Variants in ZHX2 observed in about 807,000 individuals in gnomAD.
ZHX2 encodes the protein zinc fingers and homeoboxes 2.
In ZHX2, 6 loss-of-function variants were observed where a neutral mutation model predicts 21.9. The observed-to-expected ratio is 0.27, with a 90% CI of 0.15 to 0.54. The LOEUF is 0.54. Among genes scored for constraint, ZHX2 ranks in the 20% least tolerant of loss-of-function variants. The pLI, the probability that ZHX2 is intolerant of heterozygous loss-of-function variation, is 0.95. For missense variants in ZHX2, 908 were observed against 1,090.7 expected, an observed-to-expected ratio of 0.83 and a Z score of 2.36; for synonymous variants, 434 against 437.1, an observed-to-expected ratio of 0.99 and a Z score of 0.09.
At chr8:122,784,063 G>C (rs1817346959) in intron 1 of ZHX2, among the ~76,000 whole-genome samples, 1 of 152,226 alleles carries the variant, frequency 6.6e-6, no homozygotes, top group Non-Finnish European at 1.5e-5. Flanking sequence ...CTCAACTAAT[G>C]TCCATTTGAA....
chr8:122,801,937 A>G (rs1369477200), intron 1 of ZHX2, among the ~76,000 whole-genome samples: 1 of 152,196 alleles, frequency 6.6e-6, no homozygotes, highest in Non-Finnish European at 1.5e-5. Flanking sequence ...ATATGCAGAC[A>G]GGGGTCAGGA....
intron 2 of ZHX2, among the ~76,000 whole-genome samples, chr8:122,905,532 T>C (rs1282703603): frequency 6.6e-6 from 1 of 152,178 alleles, no homozygotes; most frequent in African/African-American, 2.4e-5. Flanking sequence ...GAAAATTCTC[T>C]AAACAGAAAG....
At chr8:122,879,971 C>CT (rs1563765738) in intron 2 of ZHX2, among the ~76,000 whole-genome samples, 27 of 120,568 alleles carry the variant, frequency 2.2e-4, no homozygotes, top group African/African-American at 7.8e-4. Flanking sequence ...TCTATTGTTA[C>CT]CTTTTTTTTT....
intron 1 of ZHX2, among the ~76,000 whole-genome samples, chr8:122,839,737 T>G (rs1818584429): frequency 6.6e-6 from 1 of 152,198 alleles, no homozygotes; most frequent in Admixed American, 6.5e-5. Flanking sequence ...TTTGGTTTTG[T>G]TTTTGCTTCG....
chr8:122,843,258 A>G (rs1269063082), intron 1 of ZHX2, among the ~76,000 whole-genome samples: 2 of 152,262 alleles, frequency 1.3e-5, no homozygotes, highest in East Asian at 1.9e-4. Context: ...TGATTCAAAA[A>G]TCAAGGATCA....
rs558166542 is a variant in ZHX2 at position 122,849,821 on chromosome 8, T to A, written c.-282-13656T>A. ...ACGATCAACCCATTACACTCATCTA[T>A]CAAATGAGGATGATATCGGTGCCTA... is the stretch of plus-strand genomic sequence containing the variant. On this transcript the variant is annotated intron_variant, in intron 1 of 3. Transcript: ENST00000314393. Among the ~76,000 whole-genome samples, 8 of 152,326 alleles carry A rather than the reference T, an allele frequency of 5.3e-5. No individual in the cohort carries two copies. The South Asian group carries it at 1.7e-3, about 32-fold the overall frequency.
At chr8:122,785,250 C>A (rs13255606) in intron 1 of ZHX2, among the ~76,000 whole-genome samples, 38,744 of 152,114 alleles carry the variant, frequency 0.25, 5,397 homozygotes, top group Middle Eastern at 0.32. Flanking sequence ...TAGCAGCAGA[C>A]TCTTGACTAC....
intron 1 of ZHX2, among the ~76,000 whole-genome samples, chr8:122,835,096 T>G (rs898987769): frequency 1.3e-5 from 2 of 152,182 alleles, no homozygotes; most frequent in African/African-American, 4.8e-5. Context: ...GCCGGGTCAG[T>G]TCATAAGACT....
chr8:122,850,020 A>T (rs947078909), intron 1 of ZHX2, among the ~76,000 whole-genome samples: 3 of 151,852 alleles, frequency 2.0e-5, no homozygotes, highest in African/African-American at 7.3e-5. Flanking sequence ...TCTAAAATTA[A>T]CTCTTGACTC....
intron 1 of ZHX2, among the ~76,000 whole-genome samples, chr8:122,783,419 T>C (rs2130505332): frequency 6.6e-6 from 1 of 152,036 alleles, no homozygotes; most frequent in Non-Finnish European, 1.5e-5. Flanking sequence ...CAGAATGGAG[T>C]TAGAGGAGAG....
intron 3 of ZHX2, among the ~76,000 whole-genome samples, chr8:122,959,010 C>T (rs1264441917): frequency 6.6e-6 from 1 of 152,146 alleles, no homozygotes; most frequent in Non-Finnish European, 1.5e-5. Context: ...GTGGCTTTTC[C>T]AACATGTTGT....
intron 2 of ZHX2, among the ~76,000 whole-genome samples, chr8:122,933,670 A>G (rs1812603249): frequency 6.6e-6 from 1 of 152,340 alleles, no homozygotes; most frequent in South Asian, 2.1e-4. Context: ...AAAAAATAAA[A>G]CAAGATTATT....
At chr8:122,842,037 G>A (rs1818642334) in intron 1 of ZHX2, among the ~76,000 whole-genome samples, 1 of 152,184 alleles carries the variant, frequency 6.6e-6, no homozygotes, top group Non-Finnish European at 1.5e-5. Context: ...ACACGAAGAA[G>A]GAACAAACAA....
chr8:122,780,950 G>A (rs992668724), upstream of ZHX2: 1 of 152,220 alleles, frequency 6.6e-6, no homozygotes, highest in African/African-American at 2.4e-5. Flanking sequence ...CGGAAATCCC[G>A]GAATCTCCCC....
At chr8:122,885,008 G>A (rs1819806413) in intron 2 of ZHX2, among the ~76,000 whole-genome samples, 1 of 152,220 alleles carries the variant, frequency 6.6e-6, no homozygotes, top group Admixed American at 6.5e-5. Context: ...AAGATGGATT[G>A]TTGGAGAACT....
chr8:122,933,555 G>A (rs914065185), intron 2 of ZHX2, among the ~76,000 whole-genome samples: 2 of 151,946 alleles, frequency 1.3e-5, no homozygotes, highest in African/African-American at 2.4e-5. Context: ...TTTCCACACG[G>A]AGAAAGAATA....
intron 2 of ZHX2, among the ~76,000 whole-genome samples, chr8:122,924,566 C>T (rs1446989990): frequency 1.3e-5 from 2 of 152,138 alleles, no homozygotes; most frequent in East Asian, 1.9e-4. Flanking sequence ...AGCCTGGCCT[C>T]GCACAATCTC....
chr8:122,900,802 C>T (rs775770019), intron 2 of ZHX2, among the ~76,000 whole-genome samples: 1 of 152,132 alleles, frequency 6.6e-6, no homozygotes, highest in Non-Finnish European at 1.5e-5. Flanking sequence ...AGCAGGATTG[C>T]CATCCATTCC....
intron 3 of ZHX2, among the ~76,000 whole-genome samples, chr8:122,956,466 G>C (rs986566173): frequency 6.6e-6 from 1 of 152,172 alleles, no homozygotes; most frequent in African/African-American, 2.4e-5. Context: ...CCTAGGTAGG[G>C]GGTTAGGGAG....
Sources: allele counts gnomAD v4.1 joint callset (sites outside exome capture counted in the v4.1 genomes callset), GRCh38; gene constraint gnomAD v4.1.1; transcripts MANE v1.5; gene names NCBI Gene and HGNC (gene_info 2026-07-23, HGNC 2026-07-21).